ITK: variants seen among roughly 807,000 people sequenced by gnomAD.
ITK encodes the protein IL2 inducible T cell kinase.
Under a neutral mutation model 87.6 loss-of-function variants are expected in ITK, and 45 were observed. The ratio of observed to expected loss-of-function variants is 0.51; its 90% CI spans 0.40 to 0.66. The LOEUF (loss-of-function observed/expected upper bound fraction) is 0.66, where lower values mean the gene tolerates loss of function less well. Ranked by LOEUF, ITK falls within the 30% of genes least tolerant of loss-of-function variation. The probability of loss-of-function intolerance (pLI) is 0.00; values close to 1 mark genes in which losing one functional copy is unlikely to be tolerated. For synonymous variants in ITK, 303 were observed against 273.6 expected, an observed-to-expected ratio of 1.11 and a Z score of -1.06; for missense variants, 605 against 766.3, an observed-to-expected ratio of 0.79 and a Z score of 2.48.
intron 9 of ITK, among the ~76,000 whole-genome samples, chr5:157,238,491 C>T (rs1754821765): frequency 6.6e-6 from 1 of 152,184 alleles, no homozygotes. Flanking sequence ...TAATTTAATA[C>T]ATAGAATAAC....
intron 1 of ITK, among the ~76,000 whole-genome samples, chr5:157,202,481 G>A (rs887491642): frequency 6.6e-6 from 1 of 152,144 alleles, no homozygotes; most frequent in African/African-American, 2.4e-5. Flanking sequence ...CCAAAATGCT[G>A]GGATTACAGA....
intron 1 of ITK, among the ~76,000 whole-genome samples, chr5:157,208,491 C>A (rs767083936): frequency 4.6e-5 from 7 of 152,086 alleles, no homozygotes; most frequent in Non-Finnish European, 2.9e-5. Flanking sequence ...CAATCCAGGT[C>A]GGGTCCGAGC....
At chr5:157,200,600 G>T (rs1396383330) in intron 1 of ITK, among the ~76,000 whole-genome samples, 1 of 152,176 alleles carries the variant, frequency 6.6e-6, no homozygotes, top group East Asian at 1.9e-4. Context: ...GATGCCAGAA[G>T]AACCAACCTC....
chr5:157,198,575 G>A (rs903514343), intron 1 of ITK, among the ~76,000 whole-genome samples: 1 of 152,142 alleles, frequency 6.6e-6, no homozygotes, highest in Non-Finnish European at 1.5e-5. Context: ...CTTTAAGGTG[G>A]TCCAGGGAGC....
Position 157,180,973 on chromosome 5 carries a change from G to A in ITK, c.-5G>A. 1 of 1,613,628 alleles carries A rather than the reference G, an allele frequency of 6.2e-7. No homozygotes were observed. Among genetic ancestry groups the A allele is most frequent in the African/African-American group, 1.3e-5 (1 of 74,996 alleles). On this transcript the variant is annotated 5_prime_UTR_variant, in exon 1 of 17. Coordinates refer to ENST00000422843, the MANE Select transcript of ITK (RefSeq NM_005546.4). ...CAAGGTGCACCACCTTTCAAGAACT[G>A]GATCATGAACAACTTTATCCTCCTG...
intron 1 of ITK, among the ~76,000 whole-genome samples, chr5:157,193,322 A>G (rs913776525): frequency 6.6e-6 from 1 of 152,192 alleles, no homozygotes; most frequent in Non-Finnish European, 1.5e-5. Flanking sequence ...CCAGGAAGTA[A>G]TACCTTTAGG....
At chr5:157,194,886 A>G (rs748320879) in intron 1 of ITK, among the ~76,000 whole-genome samples, 70 of 152,342 alleles carry the variant, frequency 4.6e-4, no homozygotes, top group Middle Eastern at 3.4e-3. Context: ...CTAAGTTGGA[A>G]ACTGAAGCCT....
chr5:157,238,243 G>A (rs752615063), intron 9 of ITK, 52 bp downstream of exon 9: 16 of 1,341,166 alleles, frequency 1.2e-5, no homozygotes, highest in Admixed American at 1.7e-5. Context: ...TCTGAAGTGT[G>A]TGAGCACTGG....
chr5:157,223,642 C>T (rs1311635327), intron 6 of ITK, among the ~76,000 whole-genome samples: 2 of 151,866 alleles, frequency 1.3e-5, no homozygotes, highest in African/African-American at 4.8e-5. Context: ...TTAATATATC[C>T]GATGTATTAA....
chr5:157,251,766 C>G (rs74464254), intron 16 of ITK, among the ~76,000 whole-genome samples: 2,530 of 152,176 alleles, frequency 0.017, 31 homozygotes, highest in Non-Finnish European at 0.028. Flanking sequence ...AAGACTATAC[C>G]CTTTCTCCTC....
chr5:157,190,844 G>A (rs1230670712), intron 1 of ITK, among the ~76,000 whole-genome samples: 1 of 152,314 alleles, frequency 6.6e-6, no homozygotes, highest in Middle Eastern at 3.4e-3. Context: ...TCAAGAGAGG[G>A]GCACAAGACG....
At chr5:157,181,208 A>C in intron 1 of ITK, 93 bp downstream of exon 1, 1 of 1,259,870 alleles carries the variant, frequency 7.9e-7, no homozygotes, top group Non-Finnish European at 1.2e-6. Context: ...AAAATAGAGC[A>C]CAGGAAACAC....
chr5:157,247,695 A>G (rs1251042338), intron 15 of ITK, among the ~76,000 whole-genome samples: 5 of 152,162 alleles, frequency 3.3e-5, no homozygotes, highest in African/African-American at 1.2e-4. Context: ...AAGTGTGAAA[A>G]AACTGGGGGT....
intron 1 of ITK, among the ~76,000 whole-genome samples, chr5:157,198,753 A>G (rs1753901241): frequency 6.6e-6 from 1 of 152,114 alleles, no homozygotes; most frequent in Admixed American, 6.5e-5. Flanking sequence ...TAATGAGCAT[A>G]TCTTTTTTGT....
intron 7 of ITK, among the ~76,000 whole-genome samples, chr5:157,229,780 G>T (rs1277345936): frequency 6.6e-6 from 1 of 152,170 alleles, no homozygotes; most frequent in Non-Finnish European, 1.5e-5. Flanking sequence ...CGGGTGTGAT[G>T]GCACACGCCT....
intron 1 of ITK, among the ~76,000 whole-genome samples, chr5:157,187,580 T>G (rs908835804): frequency 6.6e-6 from 1 of 152,148 alleles, no homozygotes; most frequent in Non-Finnish European, 1.5e-5. Context: ...GAGGTAGTAG[T>G]GTGTGGCCTA....
rs556298950 is a variant in ITK, at chr5:157,210,678, A to G, written c.244-609A>G. Reference sequence around the variant, plus strand: ...CATCTAGCATTGGGTATATCTCCCAATGCTATCCCTCCCCCCTCCCCCCAC... The same window carrying G: ...CATCTAGCATTGGGTATATCTCCCAGTGCTATCCCTCCCCCCTCCCCCCAC... On this transcript the variant is annotated intron_variant, in intron 2 of 16. Transcript: ENST00000422843. Among the ~76,000 whole-genome samples, 30 of 140,740 alleles carry G rather than the reference A, an allele frequency of 2.1e-4. No homozygotes were observed. In the East Asian group the frequency reaches 5.2e-3, roughly 25 times the overall value. The allele number at this position is 140,740 out of a possible 152,430, so 92.3% of individuals were successfully genotyped here. A position where few individuals can be genotyped will look rare whatever the true frequency, so the allele number is the denominator to read the frequency against.
chr5:157,239,998 A>C, intron 9 of ITK, 64 bp from the exon 10 acceptor site: 2 of 1,518,124 alleles, frequency 1.3e-6, no homozygotes, highest in Non-Finnish European at 1.8e-6. Context: ...TAATACTCGT[A>C]GACTTTTTTG....
intron 8 of ITK, among the ~76,000 whole-genome samples, chr5:157,234,580 G>A (rs1754739001): frequency 6.6e-6 from 1 of 152,124 alleles, no homozygotes; most frequent in Non-Finnish European, 1.5e-5. Context: ...TATCATTGAT[G>A]GGAATTTGGG....
Sources: allele counts gnomAD v4.1 joint callset (sites outside exome capture counted in the v4.1 genomes callset), GRCh38; gene constraint gnomAD v4.1.1; transcripts MANE v1.5; gene names NCBI Gene and HGNC (gene_info 2026-07-23, HGNC 2026-07-21).